The following AFAP1 variants were observed in gnomAD, a reference collection of about 807,000 sequenced individuals.
AFAP1 encodes the protein actin filament associated protein 1.
A neutral mutation model predicts 93.9 loss-of-function variants in AFAP1; 75 were observed. That is an observed-to-expected ratio of 0.80 (90% CI 0.66 to 0.97). The LOEUF is 0.97. Among genes scored for constraint, AFAP1 ranks in the 50% least tolerant of loss-of-function variants. The pLI is 0.00. For missense variants in AFAP1, 1,201 were observed against 1,050.8 expected, an observed-to-expected ratio of 1.14 and a Z score of -1.98; for synonymous variants, 517 against 430.7, an observed-to-expected ratio of 1.20 and a Z score of -2.48.
At chr4:7,783,387 A>C (rs1345059016) in intron 12 of AFAP1, among the ~76,000 whole-genome samples, 1 of 152,082 alleles carries the variant, frequency 6.6e-6, no homozygotes, top group Non-Finnish European at 1.5e-5. Context: ...TGATCTGCCC[A>C]CCTCTGCCTT....
intron 7 of AFAP1, among the ~76,000 whole-genome samples, chr4:7,818,655 C>T (rs2149069629): frequency 6.6e-6 from 1 of 152,322 alleles, no homozygotes; most frequent in Non-Finnish European, 1.5e-5. Context: ...TGCCCCTCTG[C>T]CTTCCAACAA....
At chr4:7,933,560 G>C (rs936411255) in intron 1 of AFAP1, among the ~76,000 whole-genome samples, 1 of 152,152 alleles carries the variant, frequency 6.6e-6, no homozygotes, top group Non-Finnish European at 1.5e-5. Context: ...GCAACAGTGC[G>C]AGACTCCGTC....
Position 7,915,346 on chromosome 4 carries a change from C to T in AFAP1, c.-3+24310G>A, listed in dbSNP as rs116795696. On this transcript the variant is annotated intron_variant, in intron 1 of 17. Transcript: ENST00000420658. Reference sequence around the variant, plus strand: ...TCCACATATTTTTTGGCCATTTGTACATCTTCTTTCAAGAAACGTCTGTTC... The same window carrying T: ...TCCACATATTTTTTGGCCATTTGTATATCTTCTTTCAAGAAACGTCTGTTC... Among the ~76,000 whole-genome samples, 880 of 149,332 alleles carry T rather than the reference C, an allele frequency of 5.9e-3. 5 individuals carry two copies. Among genetic ancestry groups the T allele is most frequent in the African/African-American group, 0.019 (772 of 40,056 alleles).
At chr4:7,813,352 C>T (rs771871348) in intron 8 of AFAP1, among the ~76,000 whole-genome samples, 79 of 152,222 alleles carry the variant, frequency 5.2e-4, no homozygotes, top group Non-Finnish European at 8.7e-4. Flanking sequence ...ATGCAAAGCA[C>T]CATGCCAGAC....
chr4:7,840,261 GATGTGTGTGTGTGTGT>G (rs1712828611), intron 5 of AFAP1, among the ~76,000 whole-genome samples: 1 of 56,194 alleles, frequency 1.8e-5, no homozygotes, highest in Non-Finnish European at 3.8e-5. Context: ...TTGTTTTTGG[GATGTGTGTGTGTGTGT>G]GTGTGTGTGT....
In AFAP1 at chr4:7,874,318, C is replaced by T. The variant is rs532208776; in HGVS notation, c.-2-2238G>A. ...TTCTGAAAAGGCTACTGAAAAACTT[C>T]CCAACTACCTATCTGTGGGAGGTCA... On this transcript the variant is annotated intron_variant, in intron 1 of 17. Transcript: ENST00000420658. 9.4e-4 allele frequency among the ~76,000 whole-genome samples: 142 copies of T among 151,258 alleles called. 1 individual carries two copies. The highest frequency in any genetic ancestry group is 1.9e-3 in the South Asian group (9 of 4,806).
chr4:7,850,717 G>A (rs1262339336), intron 4 of AFAP1, among the ~76,000 whole-genome samples: 15 of 152,348 alleles, frequency 9.8e-5, no homozygotes, highest in Non-Finnish European at 1.8e-4. Context: ...GCAGCCATGG[G>A]CTCAGGTCCC....
At chr4:7,778,430 C>T (rs954236721) in intron 14 of AFAP1, 37 of 407,932 alleles carry the variant, frequency 9.1e-5, no homozygotes, top group African/African-American at 7.0e-4. Context: ...AACCACAGAT[C>T]AGGGACAGGA....
chr4:7,926,014 G>GT (rs1720713802), intron 1 of AFAP1, among the ~76,000 whole-genome samples: 1 of 152,178 alleles, frequency 6.6e-6, no homozygotes, highest in South Asian at 2.1e-4. Context: ...CCCAACAGCT[G>GT]TGAGTTCCTA....
rs145553864 is a variant in AFAP1, at chr4:7,840,135, C to G, written c.547-1432G>C. Among the ~76,000 whole-genome samples the G allele has an allele frequency of 1.1e-4, 16 of 152,238 alleles. No homozygotes were observed. In the East Asian group the frequency reaches 3.1e-3, roughly 29 times the overall value. Reference sequence around the variant, plus strand: ...GTGACAGACCAGGACCAGACCAGGACTCCAGCCCCAATTGTGCACGTGCAG... The same window carrying G: ...GTGACAGACCAGGACCAGACCAGGAGTCCAGCCCCAATTGTGCACGTGCAG... On this transcript the variant is annotated intron_variant, in intron 5 of 17. Coordinates refer to ENST00000420658, the MANE Select transcript of AFAP1 (RefSeq NM_001134647.2).
chr4:7,904,539 G>A (rs1054942444), intron 1 of AFAP1, among the ~76,000 whole-genome samples: 5 of 152,204 alleles, frequency 3.3e-5, no homozygotes, highest in East Asian at 1.9e-4. Flanking sequence ...TCTAGTTCTC[G>A]CTGAAATCCT....
chr4:7,877,389 G>A (rs1301983035), intron 1 of AFAP1, among the ~76,000 whole-genome samples: 1 of 152,228 alleles, frequency 6.6e-6, no homozygotes, highest in African/African-American at 2.4e-5. Flanking sequence ...AGAGGAATAA[G>A]AACTCCTGTG....
chr4:7,805,375 C>CT (rs1176825206), intron 9 of AFAP1, among the ~76,000 whole-genome samples: 1 of 152,220 alleles, frequency 6.6e-6, no homozygotes, highest in African/African-American at 2.4e-5. Flanking sequence ...GACTTGCCCC[C>CT]TGGGGCCTTT....
At chr4:7,925,956 T>A (rs1648406604) in intron 1 of AFAP1, among the ~76,000 whole-genome samples, 1 of 152,242 alleles carries the variant, frequency 6.6e-6, no homozygotes, top group Non-Finnish European at 1.5e-5. Flanking sequence ...CCTCCAAGAT[T>A]GCATTAAATG....
chr4:7,931,456 A>G (rs1006141869), intron 1 of AFAP1, among the ~76,000 whole-genome samples: 1 of 151,856 alleles, frequency 6.6e-6, no homozygotes, highest in Non-Finnish European at 1.5e-5. Flanking sequence ...CTGTGGTGCA[A>G]TTGTAGCTTA....
At chr4:7,925,992 A>G (rs527735365) in intron 1 of AFAP1, among the ~76,000 whole-genome samples, 3 of 152,320 alleles carry the variant, frequency 2.0e-5, no homozygotes, top group African/African-American at 7.2e-5. Flanking sequence ...AATAGCTGAC[A>G]AATATTAGCT....
intron 6 of AFAP1, among the ~76,000 whole-genome samples, chr4:7,833,512 G>C (rs1015179526): frequency 6.6e-6 from 1 of 151,944 alleles, no homozygotes; most frequent in South Asian, 2.1e-4. Flanking sequence ...TGTGGATGCG[G>C]TGAACAGGGA....
chr4:7,849,554 A>G (rs2149130045), intron 4 of AFAP1, among the ~76,000 whole-genome samples: 1 of 152,292 alleles, frequency 6.6e-6, no homozygotes, highest in East Asian at 1.9e-4. Context: ...ATTGGAGAGT[A>G]GGGATGTGTC....
chr4:7,861,315 C>T (rs1047969541), intron 3 of AFAP1, among the ~76,000 whole-genome samples: 4 of 152,214 alleles, frequency 2.6e-5, no homozygotes, highest in South Asian at 2.1e-4. Context: ...CTTCCTGTGC[C>T]GCTTGCTGCT....
Sources: allele counts gnomAD v4.1 joint callset (sites outside exome capture counted in the v4.1 genomes callset), GRCh38; gene constraint gnomAD v4.1.1; transcripts MANE v1.5; gene names NCBI Gene and HGNC (gene_info 2026-07-23, HGNC 2026-07-21).